Variants in IFT122 observed in about 807,000 individuals in gnomAD.
The protein encoded by IFT122 is intraflagellar transport 122.
Under a neutral mutation model 161.6 loss-of-function variants are expected in IFT122, and 118 were observed. The ratio of observed to expected loss-of-function variants is 0.73; its 90% CI spans 0.63 to 0.85. The LOEUF is 0.85. Among genes scored for constraint, IFT122 ranks in the 40% least tolerant of loss-of-function variants. IFT122 has a pLI of 0.00. For synonymous variants in IFT122, 550 were observed against 602.4 expected, an observed-to-expected ratio of 0.91 and a Z score of 1.27; for missense variants, 1,381 against 1,579.6, an observed-to-expected ratio of 0.87 and a Z score of 2.13.
intron 4 of IFT122, chr3:129,461,012 T>C (rs751165656): frequency 1.6e-6 from 2 of 1,221,442 alleles, no homozygotes; most frequent in South Asian, 2.4e-5. Flanking sequence ...CAAAAGTGAG[T>C]CCCCATCTCT....
intron 8 of IFT122, among the ~76,000 whole-genome samples, 172 bp downstream of exon 8, chr3:129,467,238 A>G (rs987548692): frequency 6.6e-6 from 1 of 152,258 alleles, no homozygotes; most frequent in Non-Finnish European, 1.5e-5. Context: ...GTGTGTGGGT[A>G]TAAAGTGATC....
chr3:129,461,795 A>T (rs1291597707), intron 5 of IFT122, among the ~76,000 whole-genome samples: 2 of 152,204 alleles, frequency 1.3e-5, no homozygotes, highest in Non-Finnish European at 2.9e-5. Context: ...GGGGCTGAAC[A>T]CCTTGAGGAG....
At position 129,519,592 on chromosome 3, in the gene IFT122, G is replaced by T. The variant is rs1228306969; in HGVS notation, c.3496G>T (p.Val1166Leu). Residue 1166 changes from valine to leucine, a missense_variant, in exon 29 of 30, where the codon GTG becomes TTG. Around this residue, in one of 7 missense-constraint regions of IFT122, gnomAD observed 177 missense variants for 199.2 expected, o/e 0.89. Transcript: ENST00000348417. ...FEQGGSEFVP[V>L]VVSRLVLRSM... is the part of the protein sequence containing the mutation. ...GCAAGGTGGCTCAGAGTTCGTGCCA[G>T]TGGTGGTGAGCCGGCTGGTGCTGCG... is the stretch of plus-strand genomic sequence containing the variant. 1.2e-6 allele frequency: 2 copies of T among 1,613,690 alleles called. No homozygotes were observed. Among genetic ancestry groups the T allele is most frequent in the Non-Finnish European group, 8.5e-7 (1 of 1,180,020 alleles).
In IFT122 at chr3:129,455,483, G is replaced by A. The variant is rs532793692; in HGVS notation, c.194-3116G>A. The stretch of plus-strand genomic sequence containing the variant: ...ACCATGCCTGGCCCAAGTTTAATAA[G>A]TATTTAATGAGCAACCATGATATAA... On this transcript the variant is annotated intron_variant, in intron 3 of 29. Transcript: ENST00000348417. 3.3e-5 allele frequency among the ~76,000 whole-genome samples: 5 copies of A among 152,076 alleles called. No individual in the cohort carries two copies. In the South Asian group the frequency reaches 1.0e-3, roughly 32 times the overall value.
Position 129,466,986 on chromosome 3 carries a change from A to G in IFT122, c.660A>G (p.Ser220=). 6.2e-7 allele frequency: 1 copy of G among 1,614,212 alleles called. No homozygotes were observed. The highest frequency in any genetic ancestry group is 8.5e-7 in the Non-Finnish European group (1 of 1,180,004). ...YIQEIPSTLK[S]AVYSSQGSEA... is the part of the protein sequence containing the mutation. ...AGGAAATCCCTTCCACTCTGAAGTC[A>G]GCAGTGTACAGTAGTCAGGGTAGTG... The change falls in exon 8 of 30, where the codon TCA becomes TCG. Residue 220 remains serine, a synonymous_variant. Transcript: ENST00000348417.
At chr3:129,488,047 G>A (rs1440425337) in intron 15 of IFT122, 24 of 710,662 alleles carry the variant, frequency 3.4e-5, no homozygotes, top group Non-Finnish European at 4.8e-5. Context: ...TTGTGCTGTG[G>A]AGCACAGTAG....
chr3:129,494,398 G>A (rs1436884957), intron 17 of IFT122, among the ~76,000 whole-genome samples: 2 of 152,152 alleles, frequency 1.3e-5, no homozygotes, highest in East Asian at 1.9e-4. Flanking sequence ...CAACTATTAG[G>A]AGTTAGTTTG....
At chr3:129,471,005 A>C (rs1304745026) in intron 9 of IFT122, among the ~76,000 whole-genome samples, 1 of 152,234 alleles carries the variant, frequency 6.6e-6, no homozygotes, top group Non-Finnish European at 1.5e-5. Flanking sequence ...ACTTGTTTCC[A>C]TGGAGGGTGG....
rs2078933412 is a variant in IFT122, at chr3:129,483,686, A to C, written c.1851+4A>C. The C allele has an allele frequency of 1.9e-6, 3 of 1,584,604 alleles. No individual in the cohort carries two copies. In the East Asian group the frequency reaches 6.9e-5, roughly 37 times the overall value. On this transcript the variant is annotated splice_donor_region_variant and intron_variant, in intron 15 of 29. Coordinates refer to ENST00000348417, the MANE Select transcript of IFT122 (RefSeq NM_052989.3). ...TTCTGCCGTGGAGGTGCCGCAGGTA[A>C]CTGGGGGTGCCTGTCCACTCTTAGC...
At chr3:129,455,364 G>C (rs564041015) in intron 3 of IFT122, among the ~76,000 whole-genome samples, 3 of 151,952 alleles carry the variant, frequency 2.0e-5, no homozygotes, top group Admixed American at 1.3e-4. Context: ...GTAGAGACAG[G>C]GTTTCACCAT....
intron 19 of IFT122, among the ~76,000 whole-genome samples, chr3:129,500,736 G>A (rs1046019553): frequency 3.3e-5 from 5 of 152,186 alleles, no homozygotes; most frequent in Admixed American, 2.0e-4. Context: ...AATAAAAGAC[G>A]TGTGGGAATG....
chr3:129,453,544 G>A (rs960518179), intron 3 of IFT122, among the ~76,000 whole-genome samples: 1 of 152,204 alleles, frequency 6.6e-6, no homozygotes, highest in African/African-American at 2.4e-5. Context: ...CTGCATAGTT[G>A]TAGAGGCAGA....
chr3:129,461,503 T>C (rs761904566), intron 5 of IFT122, 199 bp downstream of exon 5: 3 of 624,384 alleles, frequency 4.8e-6, no homozygotes, highest in Non-Finnish European at 8.7e-6. Context: ...TTTACTCTGG[T>C]AAGACATCAG....
intron 1 of IFT122, among the ~76,000 whole-genome samples, chr3:129,446,733 G>T (rs2074048840): frequency 6.6e-6 from 1 of 152,210 alleles, no homozygotes. Context: ...CCTGAGGGCT[G>T]TGTCATGGGC....
chr3:129,442,930 G>T (rs1240645513), intron 1 of IFT122, among the ~76,000 whole-genome samples: 1 of 152,138 alleles, frequency 6.6e-6, no homozygotes, highest in Non-Finnish European at 1.5e-5. Context: ...CTTATTCTAT[G>T]AACTCCCTAG....
At chr3:129,469,227 C>T (rs2077114193) in intron 8 of IFT122, 115 bp from the exon 9 acceptor site, 1 of 901,320 alleles carries the variant, frequency 1.1e-6, no homozygotes. Context: ...TAAAGCTGTA[C>T]AACATTTGGC....
rs753552899 is a variant in IFT122, at chr3:129,488,364, G to A, written c.1959G>A (p.Ala653=). The A allele has an allele frequency of 3.3e-5, 54 of 1,614,188 alleles. No homozygotes were observed. The highest frequency in any genetic ancestry group is 2.8e-4 in the African/African-American group (21 of 75,044). The part of the protein sequence containing the change: ...DTDWRELAME[A]LEGLDFETAK... ...ATTGGCGTGAACTGGCCATGGAAGC[G>A]CTAGAAGGTTTAGATTTTGAAACAG... is the stretch of plus-strand genomic sequence containing the variant. Residue 653 remains alanine, a synonymous_variant, in exon 16 of 30, where the codon GCG becomes GCA. Transcript: ENST00000348417.
chr3:129,499,922 C>A lies in IFT122; in HGVS notation c.2229C>A (p.Asp743Glu). The change falls in exon 19 of 30, where the codon GAC becomes GAA. Residue 743 changes from aspartate (D) to glutamate (E), a missense_variant. Coordinates refer to ENST00000348417, the MANE Select transcript of IFT122 (RefSeq NM_052989.3). ...EYAKDFLGSG[D>E]PKETKMLITK... ...CTCAGGATTTCCTTGGATCTGGAGA[C>A]CCCAAAGAAACAAAGATGCTAATCA... The A allele has an allele frequency of 6.2e-7, 1 of 1,614,124 alleles. No homozygotes were observed. Among genetic ancestry groups the A allele is most frequent in the Non-Finnish European group, 8.5e-7 (1 of 1,180,028 alleles).
chr3:129,462,064 A>G (rs996892780), intron 5 of IFT122, among the ~76,000 whole-genome samples: 4 of 152,226 alleles, frequency 2.6e-5, no homozygotes, highest in African/African-American at 9.6e-5. Flanking sequence ...TAAAAGGAGC[A>G]TGCTACTCAC....
Sources: allele counts gnomAD v4.1 joint callset (sites outside exome capture counted in the v4.1 genomes callset), GRCh38; gene constraint gnomAD v4.1.1; regional missense constraint gnomAD v4.1.1; transcripts MANE v1.5; gene names NCBI Gene and HGNC (gene_info 2026-07-23, HGNC 2026-07-21).